KIAA1671: variants seen among roughly 807,000 people sequenced by gnomAD.
KIAA1671 encodes KIAA1671.
In KIAA1671, 52 loss-of-function variants were observed where a neutral mutation model predicts 131.2. The observed-to-expected ratio is 0.40, with a 90% CI of 0.32 to 0.50. The LOEUF is 0.50. KIAA1671 is among the 20% of genes least tolerant of loss of function. The pLI, the probability that KIAA1671 is intolerant of heterozygous loss-of-function variation, is 0.73. For synonymous variants in KIAA1671, 1,003 were observed against 961.6 expected (o/e 1.04, Z -0.80); for missense variants, 2,360 against 2,364.2 (o/e 1.00, Z 0.04).
chr22:25,007,758 C>G (rs1254569589), intron 1 of KIAA1671, among the ~76,000 whole-genome samples: 2 of 152,154 alleles, frequency 1.3e-5, no homozygotes, highest in African/African-American at 4.8e-5. Context: ...TAATCTTCCC[C>G]TTGACTTGCA....
In KIAA1671 at chr22:25,000,184, G is replaced by GTTTTTTTT. The variant is rs1184771280; in HGVS notation, c.-207-25429_-207-25422dup. Among the ~76,000 whole-genome samples, 3 of 62,158 alleles carry GTTTTTTTT rather than the reference G, an allele frequency of 4.8e-5. 1 individual carries two copies. The highest frequency in any genetic ancestry group is 8.1e-5 in the Non-Finnish European group (3 of 37,032). 40.8% of individuals were successfully genotyped at this position (62,158 alleles called of 152,430 possible). On this transcript the variant is annotated intron_variant, in intron 1 of 12. Transcript: ENST00000358431. ...AGGTGTGAGCCACTGCTCCTCGCCT[G>GTTTTTTTT]TTTTTTTTTTTTTTTTTTTTTTTTT...
intron 6 of KIAA1671, among the ~76,000 whole-genome samples, chr22:25,109,024 G>T (rs765060894): frequency 1.5e-4 from 23 of 152,128 alleles, no homozygotes; most frequent in Non-Finnish European, 2.9e-4. Flanking sequence ...ACAACATGGC[G>T]GCTGGCTTTC....
At chr22:24,962,307 G>C (rs751777389) in intron 1 of KIAA1671, among the ~76,000 whole-genome samples, 5 of 152,178 alleles carry the variant, frequency 3.3e-5, no homozygotes, top group Non-Finnish European at 7.3e-5. Flanking sequence ...TCTGTAAAAG[G>C]GTCACAGTGT....
chr22:25,093,838 G>GTGTCTCTCTC (rs1930252075), intron 6 of KIAA1671, among the ~76,000 whole-genome samples: 3 of 19,640 alleles, frequency 1.5e-4, no homozygotes, highest in Non-Finnish European at 2.6e-4. Flanking sequence ...CTCTCTGTCT[G>GTGTCTCTCTC]TCTCTCTCTC....
intron 2 of KIAA1671, 57 bp from the exon 3 acceptor site, chr22:25,027,888 C>T (rs2123901299): frequency 1.2e-6 from 1 of 854,230 alleles, no homozygotes; most frequent in Non-Finnish European, 1.8e-6. Context: ...CATTCTGCTT[C>T]AACCCAGACA....
intron 1 of KIAA1671, chr22:25,014,256 G>T (rs1371828152): frequency 6.6e-6 from 1 of 152,148 alleles, no homozygotes; most frequent in African/African-American, 2.4e-5. Context: ...CTGAAAGATG[G>T]TCATGACATA....
chr22:25,040,916 G>A lies in KIAA1671; in HGVS notation c.3786G>A (p.Pro1262=), dbSNP rs914993702. 2.7e-6 allele frequency: 4 copies of A among 1,498,092 alleles called. No individual in the cohort carries two copies. Among genetic ancestry groups the A allele is most frequent in the African/African-American group, 1.4e-5 (1 of 71,096 alleles). 92.8% of individuals were successfully genotyped at this position (1,498,092 alleles called of 1,614,324 possible). The part of the protein sequence containing the change: ...EMPDTGGLWK[P]ASSAEINHSF... ...CCGATACCGGGGGTCTCTGGAAACC[G>A]GCCAGTTCTGCCGAAATAAATCACA... Residue 1262 remains proline, a synonymous_variant, in exon 5 of 13, where the codon CCG becomes CCA. Transcript: ENST00000358431.
chr22:25,000,197 T>G (rs1924369808), intron 1 of KIAA1671, among the ~76,000 whole-genome samples: 1 of 73,916 alleles, frequency 1.4e-5, no homozygotes, highest in South Asian at 5.1e-4. Context: ...TTTTTTTTTT[T>G]TTTTTTTTTT....
intron 6 of KIAA1671, among the ~76,000 whole-genome samples, chr22:25,115,172 TC>T (rs1256079994): frequency 2.0e-5 from 3 of 152,180 alleles, no homozygotes; most frequent in Admixed American, 6.5e-5. Context: ...TATGCTGCAC[TC>T]CCATGTGAGC....
chr22:25,183,887 A>G (rs1568997378), intron 10 of KIAA1671, among the ~76,000 whole-genome samples: 2 of 150,498 alleles, frequency 1.3e-5, no homozygotes, highest in Non-Finnish European at 3.0e-5. Context: ...GCCACAAAGC[A>G]AATGATCTTA....
At chr22:25,098,636 G>T (rs1468821355) in intron 6 of KIAA1671, among the ~76,000 whole-genome samples, 2 of 151,152 alleles carry the variant, frequency 1.3e-5, no homozygotes, top group East Asian at 1.9e-4. Context: ...GGGGGCGGGG[G>T]GGGGTTTGCT....
At chr22:25,077,687 C>T (rs1929189541) in intron 6 of KIAA1671, among the ~76,000 whole-genome samples, 1 of 152,208 alleles carries the variant, frequency 6.6e-6, no homozygotes, top group Non-Finnish European at 1.5e-5. Context: ...GTCCGTGTTC[C>T]ATGCCTTGGT....
intron 1 of KIAA1671, among the ~76,000 whole-genome samples, chr22:25,000,207 T>TCGATGTTGTTGTTG (rs1569202495): frequency 1.2e-5 from 1 of 83,234 alleles, no homozygotes; most frequent in African/African-American, 4.7e-5. Flanking sequence ...TTTTTTTTTT[T>TCGATGTTGTTGTTG]TTTTGAGACG....
chr22:25,122,701 G>T (rs1601334512), intron 6 of KIAA1671, among the ~76,000 whole-genome samples: 4 of 152,310 alleles, frequency 2.6e-5, no homozygotes, highest in African/African-American at 9.6e-5. Flanking sequence ...TTGGCCGGTT[G>T]CAGTGGCTCA....
At chr22:25,118,089 G>A (rs536593147) in intron 6 of KIAA1671, among the ~76,000 whole-genome samples, 97 of 143,594 alleles carry the variant, frequency 6.8e-4, no homozygotes, top group African/African-American at 2.0e-3. Flanking sequence ...AGTGAGTCGA[G>A]ATCACACCAT....
rs1439641056 is a variant in KIAA1671, at chr22:25,016,454, C to T, written c.-207-9179C>T. On this transcript the variant is annotated intron_variant, in intron 1 of 12. Transcript: ENST00000358431. Reference sequence around the variant, plus strand: ...GAACCGATGAGTCTTGGGGTTGAGCCGAATCAGAATCACGGAATCTTAAAA... The same window carrying T: ...GAACCGATGAGTCTTGGGGTTGAGCTGAATCAGAATCACGGAATCTTAAAA... Among the ~76,000 whole-genome samples, 6 of 152,084 alleles carry T rather than the reference C, an allele frequency of 3.9e-5. No individual in the cohort carries two copies. In the South Asian group the frequency reaches 6.2e-4, roughly 16 times the overall value.
rs974653850 is a variant in KIAA1671, at chr22:25,039,222, C to T, written c.2092C>T (p.His698Tyr). The part of the protein sequence containing the change: ...TLLNGELRPY[H>Y]TPLRDKYPLS... ...TTTGAATGGTGAACTGAGACCGTAT[C>T]ACACGCCTCTCCGGGACAAATACCC... Residue 698 changes from histidine to tyrosine, a missense_variant, in exon 5 of 13, where the codon CAC (histidine) becomes TAC (tyrosine). By Grantham distance (83) the His-to-Tyr change is moderately conservative. This residue lies in a region of KIAA1671 where 1,185 missense variants were observed against 1,126.2 expected (regional missense o/e 1.05). Coordinates refer to ENST00000358431, the MANE Select transcript of KIAA1671 (RefSeq NM_001145206.2). 3.2e-6 allele frequency: 5 copies of T among 1,552,184 alleles called. No homozygotes were observed. Among genetic ancestry groups the T allele is most frequent in the African/African-American group, 2.7e-5 (2 of 73,074 alleles).
chr22:24,971,330 G>C (rs1309796902), intron 1 of KIAA1671, among the ~76,000 whole-genome samples: 1 of 152,172 alleles, frequency 6.6e-6, no homozygotes, highest in Non-Finnish European at 1.5e-5. Flanking sequence ...CAGCCATAGT[G>C]GTTATTCCTA....
rs1481655458 is a variant in KIAA1671 at position 25,197,056 on chromosome 22, G to A, written c.*4655G>A. The A allele has an allele frequency of 1.3e-5, 2 of 152,108 alleles. No homozygotes were observed. The highest frequency in any genetic ancestry group is 2.9e-5 in the Non-Finnish European group (2 of 68,006). The allele number at this position is 152,108 out of a possible 1,614,324, so 9.4% of individuals were successfully genotyped here. On this transcript the variant is annotated 3_prime_UTR_variant, in exon 13 of 13. Coordinates refer to ENST00000358431, the MANE Select transcript of KIAA1671 (RefSeq NM_001145206.2). Reference sequence around the variant, plus strand: ...TTGAGTCACGATAGAAAAGGAGCTCGAGTTCTTTGTGTAGGAAAGTTAAGC... The same window carrying A: ...TTGAGTCACGATAGAAAAGGAGCTCAAGTTCTTTGTGTAGGAAAGTTAAGC...
Sources: gnomAD v4.1 joint callset for allele counts (sites outside exome capture counted in the v4.1 genomes callset) on GRCh38, gnomAD v4.1.1 for gene constraint, gnomAD v4.1.1 regional missense constraint, MANE v1.5 for transcripts, NCBI Gene and HGNC (gene_info 2026-07-23, HGNC 2026-07-21) for gene names.